HYDIN: variants seen among roughly 807,000 people sequenced by gnomAD.
The protein encoded by HYDIN is axonemal central pair apparatus protein HYDIN.
Under a neutral mutation model 403.9 loss-of-function variants are expected in HYDIN, and 132 were observed. That is an observed-to-expected ratio of 0.33 (90% CI 0.28 to 0.38). The LOEUF is 0.38. Among genes scored for constraint, HYDIN ranks in the 10% least tolerant of loss-of-function variants. The pLI, the probability that HYDIN is intolerant of heterozygous loss-of-function variation, is 1.00. For synonymous variants in HYDIN, 1,202 were observed against 1,891.7 expected (o/e 0.64, Z 9.46); for missense variants, 2,827 against 5,009.5 (o/e 0.56, Z 13.15).
rs746750534 is a variant in HYDIN, at chr16:70,884,026, G to A, written c.9873C>T (p.Ala3291=). ...CTATAAACTCCTCACACTTTCCCAT[G>A]GCGTCAGCCACACAGTCAACGTTGA... The part of the protein sequence containing the change: ...QVINVDCVAD[A]MGKCEEFIAI... The change falls in exon 59 of 86, where the codon GCC becomes GCT. Residue 3291 remains alanine (A), a synonymous_variant. Coordinates refer to ENST00000393567, the MANE Select transcript of HYDIN (RefSeq NM_001270974.2). 5.6e-5 allele frequency: 90 copies of A among 1,614,062 alleles called. No homozygotes were observed. The highest frequency in any genetic ancestry group is 7.5e-5 in the Non-Finnish European group (89 of 1,180,042).
At chr16:70,843,882 A>T in intron 75 of HYDIN, among the ~76,000 whole-genome samples, 1 of 121,654 alleles carries the variant, frequency 8.2e-6, no homozygotes, top group Non-Finnish European at 1.6e-5. Context: ...CCACTTTTTG[A>T]TGGGGTTGTT....
At chr16:70,886,307 C>T (rs1355215901) in intron 58 of HYDIN, among the ~76,000 whole-genome samples, 6 of 151,294 alleles carry the variant, frequency 4.0e-5, no homozygotes, top group Non-Finnish European at 5.9e-5. Flanking sequence ...TGCTCATTCA[C>T]CTGCTTTTTA....
chr16:71,083,822 C>A (rs934972044), intron 12 of HYDIN, among the ~76,000 whole-genome samples: 3 of 142,990 alleles, frequency 2.1e-5, no homozygotes, highest in Non-Finnish European at 3.1e-5. Context: ...GCATATGCTA[C>A]CCGCTCTTTA....
chr16:71,224,135 C>A (rs2040925950), intron 1 of HYDIN, among the ~76,000 whole-genome samples: 2 of 152,218 alleles, frequency 1.3e-5, no homozygotes, highest in Admixed American at 6.5e-5. Context: ...AAAATAATGT[C>A]TTTTGCAGCA....
chr16:70,830,669 G>A (rs555829787), intron 80 of HYDIN, among the ~76,000 whole-genome samples: 1 of 150,472 alleles, frequency 6.6e-6, no homozygotes, highest in South Asian at 2.1e-4. Flanking sequence ...TATTCCAGTT[G>A]TACTTGGAAG....
chr16:71,016,905 C>T (rs1223076726), intron 23 of HYDIN, among the ~76,000 whole-genome samples: 1 of 151,858 alleles, frequency 6.6e-6, no homozygotes, highest in Admixed American at 6.6e-5. Context: ...GCTCTCTGTC[C>T]TCATCCAAAT....
At chr16:71,166,966 T>C (rs1210074826) in intron 5 of HYDIN, among the ~76,000 whole-genome samples, 1 of 151,172 alleles carries the variant, frequency 6.6e-6, no homozygotes, top group Non-Finnish European at 1.5e-5. Flanking sequence ...CTCAGTAAGC[T>C]GAGGCAGAGA....
At chr16:70,940,388 C>T (rs1489093996) in intron 43 of HYDIN, among the ~76,000 whole-genome samples, 1 of 151,674 alleles carries the variant, frequency 6.6e-6, no homozygotes, top group Non-Finnish European at 1.5e-5. Context: ...AACATACGGC[C>T]GTTGTAGAGA....
chr16:70,823,685 A>C (rs946737935), intron 83 of HYDIN, among the ~76,000 whole-genome samples: 1 of 152,178 alleles, frequency 6.6e-6, no homozygotes, highest in African/African-American at 2.4e-5. Context: ...TCCCTGGTAA[A>C]TCCCATGTTG....
chr16:71,178,914 G>C lies in HYDIN; in HGVS notation c.381+14C>G. ...ATCCTGGAACAGTTCACCCACCCCA[G>C]TGAACATACTCACTTTGTCATTGTT... On this transcript the variant is annotated intron_variant, in intron 4 of 85. Transcript: ENST00000393567. 6.2e-7 allele frequency: 1 copy of C among 1,606,804 alleles called. No homozygotes were observed. Among genetic ancestry groups the C allele is most frequent in the Non-Finnish European group, 8.5e-7 (1 of 1,176,560 alleles).
chr16:71,072,635 G>A (rs945465610), intron 13 of HYDIN, among the ~76,000 whole-genome samples: 4 of 151,684 alleles, frequency 2.6e-5, no homozygotes, highest in African/African-American at 9.7e-5. Flanking sequence ...GTTCCTTGAT[G>A]AAGAGTTTTA....
chr16:70,828,830 A>G (rs1265523183), intron 81 of HYDIN, among the ~76,000 whole-genome samples: 1 of 151,706 alleles, frequency 6.6e-6, no homozygotes, highest in Admixed American at 6.6e-5. Flanking sequence ...GAAAAATGCT[A>G]CTGCTATACC....
At chr16:70,851,639 C>T (rs902172952) in intron 73 of HYDIN, among the ~76,000 whole-genome samples, 3 of 151,132 alleles carry the variant, frequency 2.0e-5, no homozygotes, top group Admixed American at 6.6e-5. Flanking sequence ...TATGTAAACT[C>T]GTTCTGCCAC....
intron 39 of HYDIN, among the ~76,000 whole-genome samples, chr16:70,957,480 C>T (rs1395866119): frequency 1.3e-5 from 2 of 152,082 alleles, no homozygotes; most frequent in Non-Finnish European, 2.9e-5. Flanking sequence ...GCGCCTGCTA[C>T]CACGCCCGGC....
chr16:71,044,178 T>C (rs8054752), intron 18 of HYDIN, among the ~76,000 whole-genome samples: 51,697 of 140,036 alleles, frequency 0.37, 9,662 homozygotes, highest in Non-Finnish European at 0.45. Flanking sequence ...ATTCTGAGAA[T>C]TGGGGGAGAA....
intron 9 of HYDIN, among the ~76,000 whole-genome samples, chr16:71,116,124 C>G (rs2084017084): frequency 6.6e-6 from 1 of 151,260 alleles, no homozygotes; most frequent in Non-Finnish European, 1.5e-5. Flanking sequence ...CTTATAACTA[C>G]AAGTTTGTAC....
intron 43 of HYDIN, among the ~76,000 whole-genome samples, chr16:70,940,384 C>T (rs993921866): frequency 3.6e-4 from 55 of 151,532 alleles, no homozygotes; most frequent in Non-Finnish European, 6.9e-4. Context: ...TAATAACATA[C>T]GGCCGTTGTA....
rs771397318 is a variant in HYDIN at position 70,807,958 on chromosome 16, C to G, written c.14988G>C (p.Leu4996=). Residue 4996 remains leucine, a synonymous_variant, in exon 86 of 86, where the codon CTG becomes CTC. Coordinates refer to ENST00000393567, the MANE Select transcript of HYDIN (RefSeq NM_001270974.2). The part of the protein sequence containing the change: ...SVEVLFEPSH[L]GETKGILILS... ...GGATCAGGATGCCCTTGGTCTCACCCAGGTGGCTGGGCTCGAATAAGACTT... is the reference window on the plus strand; with the variant it reads ...GGATCAGGATGCCCTTGGTCTCACCGAGGTGGCTGGGCTCGAATAAGACTT... The G allele has an allele frequency of 6.8e-6, 11 of 1,614,050 alleles. No homozygotes were observed. In the African/African-American group the frequency reaches 1.3e-4, roughly 20 times the overall value.
intron 21 of HYDIN, among the ~76,000 whole-genome samples, chr16:71,022,431 T>C (rs1484725343): frequency 4.6e-5 from 7 of 152,198 alleles, no homozygotes; most frequent in Non-Finnish European, 1.0e-4. Flanking sequence ...GGCTTATGAA[T>C]GGTACGATAG....
Sources: allele counts gnomAD v4.1 joint callset (sites outside exome capture counted in the v4.1 genomes callset), GRCh38; gene constraint gnomAD v4.1.1; transcripts MANE v1.5; gene names NCBI Gene and HGNC (gene_info 2026-07-23, HGNC 2026-07-21).